Variants in PCDH11Y observed in about 807,000 individuals in gnomAD.
PCDH11Y encodes protocadherin 11 Y-linked, also known as protocadherin-11 Y-linked.
For synonymous variants in PCDH11Y, 9 were observed against 83.6 expected (o/e 0.11, Z 4.87); for missense variants, 12 against 224.8 (o/e 0.05, Z 6.05).
chrY:5,706,874 C>T (rs1336476684), intron 4 of PCDH11Y, among the ~76,000 whole-genome samples: 28 of 31,486 alleles, frequency 8.9e-4, no homozygotes, highest in South Asian at 5.2e-3. Context: ...TCTCAGTGTA[C>T]TCCATTGATG....
chrY:5,275,286 C>T, intron 2 of PCDH11Y, among the ~76,000 whole-genome samples: 1 of 32,584 alleles, frequency 3.1e-5, no homozygotes, highest in Non-Finnish European at 7.5e-5. Context: ...CTTTATATTC[C>T]GAGTACCTAG....
intron 3 of PCDH11Y, among the ~76,000 whole-genome samples, chrY:5,575,317 G>A (rs2053444770): frequency 3.1e-5 from 1 of 32,521 alleles, no homozygotes; most frequent in African/African-American, 1.2e-4. Context: ...CAGAATATAT[G>A]AGGAGCTCAA....
At chrY:5,352,306 T>G (rs2124670412) in intron 2 of PCDH11Y, among the ~76,000 whole-genome samples, 10 of 30,775 alleles carry the variant, frequency 3.2e-4, no homozygotes, top group Admixed American at 1.6e-3. Flanking sequence ...GTATTTTCAG[T>G]AGAGACGGGG....
At chrY:5,277,597 A>G in intron 2 of PCDH11Y, among the ~76,000 whole-genome samples, 2 of 33,934 alleles carry the variant, frequency 5.9e-5, no homozygotes, top group Non-Finnish European at 1.5e-4. Flanking sequence ...TATTTAATAA[A>G]TGTTCATTGA....
At position 5,554,025 on chromosome Y, in the gene PCDH11Y, T is replaced by C. The variant is rs2124694416; in HGVS notation, c.3329-27750T>C. On this transcript the variant is annotated intron_variant, in intron 3 of 4. Coordinates refer to the PCDH11Y transcript ENST00000400457. ...AGAAGACAGGAAAATGTGGGAAAGT[T>C]TGGAACTCCCTAGAGACTTGTTGAA... 4.2e-4 allele frequency among the ~76,000 whole-genome samples: 14 copies of C among 33,159 alleles called. No individual in the cohort carries two copies. In the South Asian group the frequency reaches 7.6e-3, roughly 18 times the overall value. The allele number at this position is 33,159 out of a possible 37,273, so 89.0% of individuals were successfully genotyped here.
At chrY:5,187,770 C>A in intron 2 of PCDH11Y, among the ~76,000 whole-genome samples, 1 of 33,802 alleles carries the variant, frequency 3.0e-5, no homozygotes, top group Non-Finnish European at 7.4e-5. Context: ...TTTACTTATG[C>A]GAATTCCTGC....
At chrY:5,220,088 T>C in intron 2 of PCDH11Y, among the ~76,000 whole-genome samples, 1 of 33,285 alleles carries the variant, frequency 3.0e-5, no homozygotes, top group African/African-American at 1.2e-4. Flanking sequence ...GACTCTATTC[T>C]GTTCCATTGG....
intron 1 of PCDH11Y, among the ~76,000 whole-genome samples, chrY:5,013,828 A>G: frequency 6.2e-5 from 2 of 32,455 alleles, no homozygotes; most frequent in Non-Finnish European, 1.5e-4. Flanking sequence ...GGTCGAAGCA[A>G]AAATAATTGT....
At chrY:5,125,051 A>C in intron 2 of PCDH11Y, among the ~76,000 whole-genome samples, 1 of 32,806 alleles carries the variant, frequency 3.0e-5, no homozygotes, top group Non-Finnish European at 7.5e-5. Context: ...TACTACATGC[A>C]AGGTATGGTG....
intron 2 of PCDH11Y, among the ~76,000 whole-genome samples, chrY:5,438,343 G>T (rs2124681411): frequency 3.2e-5 from 1 of 31,651 alleles, no homozygotes; most frequent in East Asian, 8.6e-4. Flanking sequence ...AGTAATTGAT[G>T]TTTGCCCTAC....
chrY:5,038,407 T>G, intron 3 of PCDH11Y, among the ~76,000 whole-genome samples: 1 of 26,944 alleles, frequency 3.7e-5, no homozygotes, highest in Non-Finnish European at 8.7e-5. Flanking sequence ...TTCTTCATAC[T>G]ATCTGTATAA....
At chrY:5,032,833 ATTTTC>A (rs2052593045) in intron 3 of PCDH11Y, 1 of 179,979 alleles carries the variant, frequency 5.6e-6, no homozygotes, top group African/African-American at 8.9e-5. Flanking sequence ...TGAGGCTTTC[ATTTTC>A]TTAAAAGATT....
chrY:5,399,219 T>C, intron 2 of PCDH11Y, among the ~76,000 whole-genome samples: 1 of 32,827 alleles, frequency 3.0e-5, no homozygotes, highest in African/African-American at 1.2e-4. Flanking sequence ...TGGAAGCCCA[T>C]AGACATTAAA....
At chrY:5,487,471 A>G in intron 2 of PCDH11Y, among the ~76,000 whole-genome samples, 1 of 33,990 alleles carries the variant, frequency 2.9e-5, no homozygotes, top group Non-Finnish European at 7.3e-5. Flanking sequence ...TGCTGGGATT[A>G]TAGGCATGAG....
intron 2 of PCDH11Y, among the ~76,000 whole-genome samples, chrY:5,117,838 T>A: frequency 3.2e-5 from 1 of 31,543 alleles, no homozygotes; most frequent in African/African-American, 1.2e-4. Flanking sequence ...TATATAATAC[T>A]GATATTATAT....
At chrY:5,412,496 A>C (rs2053248442) in intron 2 of PCDH11Y, among the ~76,000 whole-genome samples, 1 of 32,868 alleles carries the variant, frequency 3.0e-5, no homozygotes, top group Non-Finnish European at 7.5e-5. Flanking sequence ...GAGAGAGAGC[A>C]TTATTTTCTT....
intron 4 of PCDH11Y, among the ~76,000 whole-genome samples, chrY:5,653,131 G>A: frequency 1.6e-4 from 5 of 30,331 alleles, no homozygotes; most frequent in African/African-American, 6.5e-4. Context: ...ACCAAAGGTA[G>A]ATAAAACCAC....
At chrY:5,125,141 G>A in intron 2 of PCDH11Y, among the ~76,000 whole-genome samples, 2 of 33,297 alleles carry the variant, frequency 6.0e-5, no homozygotes, top group South Asian at 6.6e-4. Context: ...TGGAGCTCAC[G>A]AAGGTTCATT....
At chrY:5,138,809 C>T (rs2052844249) in intron 2 of PCDH11Y, among the ~76,000 whole-genome samples, 18 of 31,866 alleles carry the variant, frequency 5.6e-4, no homozygotes, top group Admixed American at 4.0e-3. Context: ...TGAATCCTAT[C>T]GGACATTCAA....
Sources: allele counts gnomAD v4.1 joint callset (sites outside exome capture counted in the v4.1 genomes callset), GRCh38; gene constraint gnomAD v4.1.1; transcripts MANE v1.5; gene names NCBI Gene and HGNC (gene_info 2026-07-23, HGNC 2026-07-21).